Variants in ZMAT4 observed in about 807,000 individuals in gnomAD.
The protein encoded by ZMAT4 is zinc finger matrin-type 4.
ZMAT4 carries 17 observed loss-of-function variants against 28.7 expected under a neutral mutation model. The ratio of observed to expected loss-of-function variants is 0.59; its 90% CI spans 0.41 to 0.89. The LOEUF is 0.89. ZMAT4 is among the 40% of genes least tolerant of loss of function. The pLI, the probability that ZMAT4 is intolerant of heterozygous loss-of-function variation, is 0.00. For synonymous variants in ZMAT4, 117 were observed against 109.2 expected (o/e 1.07, Z -0.44); for missense variants, 240 against 283.8 (o/e 0.85, Z 1.11).
chr8:40,649,167 A>G (rs1029900521), intron 5 of ZMAT4, among the ~76,000 whole-genome samples: 3 of 152,192 alleles, frequency 2.0e-5, no homozygotes, highest in African/African-American at 2.4e-5. Context: ...AGTGTGCTGT[A>G]TTCAGGAAAC....
chr8:40,857,008 A>G (rs1008918397), intron 1 of ZMAT4, among the ~76,000 whole-genome samples: 1 of 152,148 alleles, frequency 6.6e-6, no homozygotes, highest in African/African-American at 2.4e-5. Flanking sequence ...AAGGTTTGAA[A>G]ATCCTGCTAT....
chr8:40,648,117 A>C (rs1411489038), intron 5 of ZMAT4, among the ~76,000 whole-genome samples: 1 of 152,196 alleles, frequency 6.6e-6, no homozygotes, highest in Admixed American at 6.5e-5. Flanking sequence ...CAGACGATCA[A>C]ATTACTCTGA....
At chr8:40,583,102 C>T (rs771542148) in intron 5 of ZMAT4, among the ~76,000 whole-genome samples, 2 of 152,116 alleles carry the variant, frequency 1.3e-5, no homozygotes, top group Non-Finnish European at 2.9e-5. Context: ...CATGTGGGAC[C>T]GTGGAGTTCT....
At chr8:40,887,763 G>A (rs897279863) in intron 1 of ZMAT4, among the ~76,000 whole-genome samples, 3 of 152,190 alleles carry the variant, frequency 2.0e-5, no homozygotes, top group Non-Finnish European at 2.9e-5. Flanking sequence ...CCTGCCTCTC[G>A]GCTCCCCCTC....
At chr8:40,846,053 T>C (rs1194152863) in intron 1 of ZMAT4, among the ~76,000 whole-genome samples, 1 of 152,108 alleles carries the variant, frequency 6.6e-6, no homozygotes, top group East Asian at 1.9e-4. Context: ...CCCAAGGTAT[T>C]AGGAGAGACA....
intron 5 of ZMAT4, among the ~76,000 whole-genome samples, chr8:40,643,385 G>A (rs1807142066): frequency 6.6e-6 from 1 of 152,084 alleles, no homozygotes; most frequent in East Asian, 1.9e-4. Flanking sequence ...TTGACACTTG[G>A]AAAACCATAT....
chr8:40,832,464 C>T (rs1026848990), intron 1 of ZMAT4, among the ~76,000 whole-genome samples: 4 of 152,144 alleles, frequency 2.6e-5, no homozygotes, highest in Admixed American at 2.0e-4. Flanking sequence ...CTCGAAAAGC[C>T]GCTGTGCCCT....
At chr8:40,728,647 G>C (rs1811405981) in intron 3 of ZMAT4, among the ~76,000 whole-genome samples, 1 of 152,216 alleles carries the variant, frequency 6.6e-6, no homozygotes. Flanking sequence ...TGAGTTGGAG[G>C]ATGGGGAAAG....
At chr8:40,796,391 G>C (rs1260722835) in intron 2 of ZMAT4, among the ~76,000 whole-genome samples, 1 of 152,160 alleles carries the variant, frequency 6.6e-6, no homozygotes, top group Non-Finnish European at 1.5e-5. Context: ...AAAAAACATT[G>C]ATATTTCATG....
intron 1 of ZMAT4, among the ~76,000 whole-genome samples, chr8:40,855,087 C>T (rs1169661201): frequency 6.6e-6 from 1 of 152,160 alleles, no homozygotes; most frequent in Non-Finnish European, 1.5e-5. Flanking sequence ...AACACAGTGG[C>T]ATTCACGGGT....
At chr8:40,781,782 A>AAAAAAAAAAAAAAAAAAAC (rs1813844447) in intron 2 of ZMAT4, among the ~76,000 whole-genome samples, 1 of 149,030 alleles carries the variant, frequency 6.7e-6, no homozygotes, top group African/African-American at 2.5e-5. Flanking sequence ...AAAAAAAAAA[A>AAAAAAAAAAAAAAAAAAAC]AAAAAAAAAG....
intron 6 of ZMAT4, among the ~76,000 whole-genome samples, chr8:40,544,609 C>G (rs1803142042): frequency 6.6e-6 from 1 of 152,184 alleles, no homozygotes; most frequent in African/African-American, 2.4e-5. Context: ...TTTTCTAGTA[C>G]AGTAAACTCA....
intron 3 of ZMAT4, among the ~76,000 whole-genome samples, chr8:40,758,644 T>A (rs1396148303): frequency 6.6e-6 from 1 of 152,042 alleles, no homozygotes; most frequent in African/African-American, 2.4e-5. Context: ...ATGAAAAAAA[T>A]ACTAAATAGA....
At chr8:40,840,830 C>T (rs1816674200) in intron 1 of ZMAT4, among the ~76,000 whole-genome samples, 1 of 152,178 alleles carries the variant, frequency 6.6e-6, no homozygotes, top group South Asian at 2.1e-4. Context: ...GTTACAGTTA[C>T]TATAGTACCA....
intron 1 of ZMAT4, among the ~76,000 whole-genome samples, chr8:40,853,312 T>C (rs1033197129): frequency 6.6e-6 from 1 of 152,180 alleles, no homozygotes; most frequent in Non-Finnish European, 1.5e-5. Context: ...ATCCCAGCAC[T>C]TTGGGAGGCC....
At chr8:40,890,787 T>A (rs906494535) in intron 1 of ZMAT4, among the ~76,000 whole-genome samples, 2 of 151,980 alleles carry the variant, frequency 1.3e-5, no homozygotes, top group African/African-American at 4.8e-5. Context: ...TTCAGCAACA[T>A]CCACATCTCA....
intron 6 of ZMAT4, among the ~76,000 whole-genome samples, chr8:40,561,046 T>C (rs537812876): frequency 6.6e-6 from 1 of 152,284 alleles, no homozygotes; most frequent in Non-Finnish European, 1.5e-5. Flanking sequence ...GATTCTAGAA[T>C]ATTTTCATTA....
At chr8:40,809,241 G>A (rs1815219637) in intron 2 of ZMAT4, among the ~76,000 whole-genome samples, 2 of 152,130 alleles carry the variant, frequency 1.3e-5, no homozygotes, top group Admixed American at 6.6e-5. Flanking sequence ...TTATAAGTGG[G>A]AGCTAAACAC....
intron 1 of ZMAT4, among the ~76,000 whole-genome samples, chr8:40,896,062 A>AC (rs61137558): frequency 0.043 from 6,483 of 150,462 alleles, 262 homozygotes; most frequent in Admixed American, 0.09. Flanking sequence ...GTATTTTGAC[A>AC]CCCCCCCCAA....
Sources: gnomAD v4.1 joint callset for allele counts (sites outside exome capture counted in the v4.1 genomes callset) on GRCh38, gnomAD v4.1.1 for gene constraint, MANE v1.5 for transcripts, NCBI Gene and HGNC (gene_info 2026-07-23, HGNC 2026-07-21) for gene names.